Variants in PCYT2 observed in about 807,000 individuals in gnomAD.
PCYT2 encodes the protein phosphate cytidylyltransferase 2, ethanolamine.
PCYT2 carries 33 observed loss-of-function variants against 50.0 expected under a neutral mutation model. That is an observed-to-expected ratio of 0.66 (90% CI 0.50 to 0.88). The LOEUF (loss-of-function observed/expected upper bound fraction) is 0.88, where lower values mean the gene tolerates loss of function less well. PCYT2 is among the 40% of genes least tolerant of loss of function. PCYT2 has a pLI of 0.00. For synonymous variants in PCYT2, 240 were observed against 203.7 expected, an observed-to-expected ratio of 1.18 and a Z score of -1.52; for missense variants, 430 against 519.7, an observed-to-expected ratio of 0.83 and a Z score of 1.68.
At chr17:81,907,497 G>A (rs1159914390) in intron 6 of PCYT2, 57 bp downstream of exon 6, 2 of 1,541,962 alleles carry the variant, frequency 1.3e-6, no homozygotes, top group Non-Finnish European at 1.8e-6. Context: ...TGGGACAGGT[G>A]GCCGGGGGAG....
intron 6 of PCYT2, chr17:81,907,157 A>G: frequency 6.9e-7 from 1 of 1,449,246 alleles, no homozygotes; most frequent in Non-Finnish European, 9.2e-7. Flanking sequence ...GCAGGTGCAC[A>G]CAGCCCTTGG....
chr17:81,910,868 G>A (rs2040560811), intron 1 of PCYT2: 1 of 986,810 alleles, frequency 1.0e-6, no homozygotes, highest in African/African-American at 1.7e-5. Flanking sequence ...TTCACCGCGG[G>A]TCCCGGACAG....
chr17:81,905,885 C>T, intron 9 of PCYT2, 150 bp from the exon 10 acceptor site: 4 of 837,292 alleles, frequency 4.8e-6, no homozygotes, highest in East Asian at 2.5e-5. Flanking sequence ...CCTGGGGCTC[C>T]TCCATGAGAC....
chr17:81,906,424 A>C (rs1437971812), intron 8 of PCYT2, 40 bp downstream of exon 8: 1 of 1,586,206 alleles, frequency 6.3e-7, no homozygotes, highest in Non-Finnish European at 8.7e-7. Context: ...TCGAGGGCCC[A>C]TCAGCTGCCC....
At position 81,908,885 on chromosome 17, in the gene PCYT2, C is replaced by T. The variant is rs368972779; in HGVS notation, c.331G>A (p.Val111Ile). The change falls in exon 3 of 13, where the codon GTT becomes ATT. Residue 111 changes from valine (V) to isoleucine (I), a missense_variant. Physicochemically the swap from Val to Ile is conservative, Grantham distance 29. Coordinates refer to ENST00000538936, the MANE Select transcript of PCYT2 (RefSeq NM_002861.5). ...CAGCCCCGCCACTCACTGCCGTGAA[C>T]ACAGAAGTCACAGTTGTATTTGTCC... ...TLDKYNCDFCVHGNDITLTVD... is the reference protein window; with the variant it reads ...TLDKYNCDFCIHGNDITLTVD... 1.2e-6 allele frequency: 2 copies of T among 1,613,578 alleles called. No individual in the cohort carries two copies. The highest frequency in any genetic ancestry group is 2.7e-5 in the African/African-American group (2 of 74,942).
chr17:81,905,698 A>G lies in PCYT2; in HGVS notation c.875T>C (p.Val292Ala). The change falls in exon 10 of 13, where the codon GTC (valine) becomes GCC (alanine). Residue 292 changes from valine to alanine, a missense_variant. Val to Ala is a moderately conservative substitution (Grantham distance 64). Transcript: ENST00000538936. ...SEVVIGAPYA[V>A]TAELLSHFKV... ...GAAGTGACTTAGGAGCTCTGCTGTG[A>G]CCGCGTACGGGGCTCCAATCACCAC... The G allele has an allele frequency of 1.2e-6, 2 of 1,613,590 alleles. No individual in the cohort carries two copies. Among genetic ancestry groups the G allele is most frequent in the South Asian group, 1.1e-5 (1 of 91,086 alleles).
At position 81,910,173 on chromosome 17, in the gene PCYT2, C is replaced by G. The variant is rs1598331642; in HGVS notation, c.90-571G>C. Among the ~76,000 whole-genome samples, 11 of 152,368 alleles carry G rather than the reference C, an allele frequency of 7.2e-5. No individual in the cohort carries two copies. The South Asian group carries it at 1.9e-3, about 26-fold the overall frequency. ...GGGTGAACAGCCACTGCCTTGCCAC[C>G]TGGCTCGAGAGTTTTCATTCACAAA... is the stretch of plus-strand genomic sequence containing the variant. On this transcript the variant is annotated intron_variant, in intron 1 of 12. Coordinates refer to ENST00000538936, the MANE Select transcript of PCYT2 (RefSeq NM_002861.5).
chr17:81,907,004 G>T, intron 6 of PCYT2, 106 bp from the exon 7 acceptor site: 1 of 1,351,664 alleles, frequency 7.4e-7, no homozygotes. Flanking sequence ...CCCATTTCCA[G>T]CCAGTCATCT....
At position 81,906,546 on chromosome 17, in the gene PCYT2, T is replaced by G; in HGVS notation, c.677A>C (p.His226Pro). Residue 226 changes from histidine to proline, a missense_variant and splice_region_variant, in exon 8 of 13, where the codon CAC becomes CCC. This residue lies in a region of PCYT2 where 248 missense variants were observed against 300.2 expected (regional missense o/e 0.83). Coordinates refer to ENST00000538936, the MANE Select transcript of PCYT2 (RefSeq NM_002861.5). The stretch of plus-strand genomic sequence containing the variant: ...CTCCAGGAAGTCCACATGCCCGATG[T>G]CTGCACCCAGGTTAAGAAGCAGTCG... Reference protein sequence around the residue: ...IYVAGAFDLFHIGHVDFLEKV... With the variant: ...IYVAGAFDLFPIGHVDFLEKV... The G allele has an allele frequency of 6.2e-7, 1 of 1,613,384 alleles. No homozygotes were observed. The highest frequency in any genetic ancestry group is 8.5e-7 in the Non-Finnish European group (1 of 1,179,866).
chr17:81,908,496 T>C lies in PCYT2; in HGVS notation c.407+72A>G. On this transcript the variant is annotated intron_variant, in intron 4 of 12. Transcript: ENST00000538936. ...GCTCCCCTCACGGGCTCCCGGTAAATAGCAAAGCACGAGCCAGGAGGGAGC... is the reference window on the plus strand; with the variant it reads ...GCTCCCCTCACGGGCTCCCGGTAAACAGCAAAGCACGAGCCAGGAGGGAGC... The C allele has an allele frequency of 3.3e-6, 4 of 1,222,022 alleles. No individual in the cohort carries two copies. The South Asian group carries it at 4.9e-5, about 15-fold the overall frequency. The allele number at this position is 1,222,022 out of a possible 1,614,324, so 75.7% of individuals were successfully genotyped here.
chr17:81,903,071 CCCGCGGTGAAG>C lies in PCYT2; in HGVS notation c.*1751_*1761del. Reference sequence around the variant, plus strand: ...GGGGCGAAGCTGGCCACGACCCAGCCCCGCGGTGAAGCCGCGCCTAGCCTTGGTGCTCCCTG... The same window carrying C: ...GGGGCGAAGCTGGCCACGACCCAGCCCCGCGCCTAGCCTTGGTGCTCCCTG... On this transcript the variant is annotated 3_prime_UTR_variant, in exon 13 of 13. Transcript: ENST00000538936. The C allele has an allele frequency of 2.8e-6, 1 of 356,548 alleles. No individual in the cohort carries two copies. Among genetic ancestry groups the C allele is most frequent in the East Asian group, 4.5e-5 (1 of 22,102 alleles). 22.1% of individuals were successfully genotyped at this position (356,548 alleles called of 1,614,324 possible).
At position 81,902,275 on chromosome 17, in the gene PCYT2, C is replaced by T; in HGVS notation, c.*2558G>A. ...CGCCGCCCACCAGTCAGCCGGCGTC[C>T]CCATGGCCCGGTCCGCGACACTGGC... On this transcript the variant is annotated 3_prime_UTR_variant, in exon 13 of 13. Transcript: ENST00000538936. 7.7e-7 allele frequency: 1 copy of T among 1,292,156 alleles called. No homozygotes were observed. The highest frequency in any genetic ancestry group is 2.5e-5 in the South Asian group (1 of 39,820). The allele number at this position is 1,292,156 out of a possible 1,614,324, so 80.0% of individuals were successfully genotyped here. A position where few individuals can be genotyped will look rare whatever the true frequency, so the allele number is the denominator to read the frequency against.
chr17:81,911,024 G>A (rs1292475755), intron 1 of PCYT2: 2 of 997,694 alleles, frequency 2.0e-6, no homozygotes, highest in East Asian at 2.2e-4. Context: ...GGCTGCACCG[G>A]AGAGGTCGGC....
intron 1 of PCYT2, among the ~76,000 whole-genome samples, chr17:81,910,466 C>T (rs1344746074): frequency 6.6e-6 from 1 of 152,170 alleles, no homozygotes; most frequent in African/African-American, 2.4e-5. Flanking sequence ...TAAAATCTGG[C>T]GGGCCCATGT....
rs966792930 is a variant in PCYT2, at chr17:81,902,440, C to T, written c.*2393G>A. ...CCTCCGCAGGTCCCCGTACGCGCGGCGCTCCCAGCCCTACAGAGGGGCGGA... is the reference window on the plus strand; with the variant it reads ...CCTCCGCAGGTCCCCGTACGCGCGGTGCTCCCAGCCCTACAGAGGGGCGGA... On this transcript the variant is annotated 3_prime_UTR_variant, in exon 13 of 13. Transcript: ENST00000538936. 3.7e-6 allele frequency: 5 copies of T among 1,353,070 alleles called. No homozygotes were observed. In the African/African-American group the frequency reaches 6.2e-5, roughly 17 times the overall value. 83.8% of individuals were successfully genotyped at this position (1,353,070 alleles called of 1,614,324 possible). A position where few individuals can be genotyped will look rare whatever the true frequency, so the allele number is the denominator to read the frequency against.
In PCYT2 at chr17:81,907,568, C is replaced by T. The variant is rs111226512; in HGVS notation, c.523G>A (p.Asp175Asn). 1 of 1,611,388 alleles carries T rather than the reference C, an allele frequency of 6.2e-7. No homozygotes were observed. Among genetic ancestry groups the T allele is most frequent in the Non-Finnish European group, 8.5e-7 (1 of 1,179,240 alleles). Residue 175 changes from aspartate (D) to asparagine (N), a missense_variant, in exon 6 of 13, where the codon GAC becomes AAC. Asp to Asn is a conservative substitution (Grantham distance 23, BLOSUM62 1). This residue lies in a region of PCYT2 where 248 missense variants were observed against 300.2 expected (regional missense o/e 0.83). Transcript: ENST00000538936. The stretch of plus-strand genomic sequence containing the variant: ...GCCGCACTCACCTTGCCAAAACTGT[C>T]TGCATACTCCCGGTACTCAGAGGAC... ...EMSSEYREYADSFGKCPGGRN... is the reference protein window; with the variant it reads ...EMSSEYREYANSFGKCPGGRN...
chr17:81,907,632 T>C, intron 5 of PCYT2, 34 bp from the exon 6 acceptor site: 1 of 1,608,724 alleles, frequency 6.2e-7, no homozygotes, highest in Middle Eastern at 1.7e-4. Context: ...CTGAGGGGCC[T>C]GCCCTCCCGG....
In PCYT2 at chr17:81,902,647, AACCTGCAGAGGTG is replaced by A. The variant is rs891878160; in HGVS notation, c.*2173_*2185del. On this transcript the variant is annotated 3_prime_UTR_variant, in exon 13 of 13. Coordinates refer to ENST00000538936, the MANE Select transcript of PCYT2 (RefSeq NM_002861.5). ...TGTGTGCGTCCAGGACGTCGCCCCA[AACCTGCAGAGGTG>A]CGAGCGGCTCCCCGACGGCCGCGGG... 2 of 1,604,424 alleles carry A rather than the reference AACCTGCAGAGGTG, an allele frequency of 1.2e-6. No individual in the cohort carries two copies. Among genetic ancestry groups the A allele is most frequent in the Non-Finnish European group, 1.7e-6 (2 of 1,177,582 alleles).
chr17:81,910,780 A>T, intron 1 of PCYT2: 2 of 603,700 alleles, frequency 3.3e-6, no homozygotes, highest in Non-Finnish European at 4.2e-6. Context: ...AACTTTTCTT[A>T]AAACAATGCC....
Sources: allele counts gnomAD v4.1 joint callset (sites outside exome capture counted in the v4.1 genomes callset), GRCh38; gene constraint gnomAD v4.1.1; regional missense constraint gnomAD v4.1.1; transcripts MANE v1.5; gene names NCBI Gene and HGNC (gene_info 2026-07-23, HGNC 2026-07-21).